The following DCBLD2 variants were observed in gnomAD, a reference collection of about 807,000 sequenced individuals.
The protein encoded by DCBLD2 is discoidin, CUB and LCCL domain-containing protein 2.
In DCBLD2, 54 loss-of-function variants were observed where a neutral mutation model predicts 86.8. The observed-to-expected ratio is 0.62, with a 90% CI of 0.50 to 0.78. DCBLD2 has a LOEUF of 0.78. Ranked by LOEUF, DCBLD2 falls within the 30% of genes least tolerant of loss-of-function variation. The pLI is 0.00. For missense variants in DCBLD2, 908 were observed against 954.2 expected, an observed-to-expected ratio of 0.95 and a Z score of 0.64; for synonymous variants, 354 against 341.3, an observed-to-expected ratio of 1.04 and a Z score of -0.41.
intron 14 of DCBLD2, 79 bp from the exon 15 acceptor site, chr3:98,800,795 G>T: frequency 1.9e-6 from 3 of 1,573,180 alleles, no homozygotes; most frequent in Non-Finnish European, 1.7e-6. Flanking sequence ...GAAAAATCCT[G>T]TTGCATTTAA....
At chr3:98,846,479 A>T (rs1942725727) in intron 3 of DCBLD2, among the ~76,000 whole-genome samples, 1 of 152,210 alleles carries the variant, frequency 6.6e-6, no homozygotes, top group South Asian at 2.1e-4. Context: ...ACCCAAGAAG[A>T]AGTAATAAGA....
Position 98,799,273 on chromosome 3 carries a change from G to T in DCBLD2, c.*99C>A. On this transcript the variant is annotated 3_prime_UTR_variant, in exon 16 of 16. Transcript: ENST00000326840. ...CCACATTTTCCCCAACCACTTCAGT[G>T]ACAGTTATGTAATACATTCTATATA... 7.8e-7 allele frequency: 1 copy of T among 1,275,590 alleles called. No homozygotes were observed. The highest frequency in any genetic ancestry group is 1.1e-6 in the Non-Finnish European group (1 of 929,478). 79.0% of individuals were successfully genotyped at this position (1,275,590 alleles called of 1,614,324 possible). A position where few individuals can be genotyped will look rare whatever the true frequency, so the allele number is the denominator to read the frequency against.
At chr3:98,885,573 T>C (rs543091817) in intron 1 of DCBLD2, among the ~76,000 whole-genome samples, 11 of 152,134 alleles carry the variant, frequency 7.2e-5, no homozygotes, top group Admixed American at 6.6e-4. Flanking sequence ...GGTCTTAACA[T>C]TGAATTTGCA....
At chr3:98,870,395 G>A (rs975392885) in intron 2 of DCBLD2, among the ~76,000 whole-genome samples, 1 of 152,030 alleles carries the variant, frequency 6.6e-6, no homozygotes, top group African/African-American at 2.4e-5. Flanking sequence ...GATTTCTTTT[G>A]TTTGCTCAGG....
At chr3:98,836,668 C>T (rs1388647530) in intron 3 of DCBLD2, among the ~76,000 whole-genome samples, 15 of 119,220 alleles carry the variant, frequency 1.3e-4, no homozygotes, top group South Asian at 5.2e-4. Flanking sequence ...CCAGTAGGGG[C>T]GGCCGGGCAG....
intron 6 of DCBLD2, chr3:98,820,824 C>T (rs1283314560): frequency 1.4e-5 from 2 of 147,548 alleles, no homozygotes; most frequent in Admixed American, 1.4e-4. Context: ...TTTCAGTGTA[C>T]ACTCCTGCCT....
intron 2 of DCBLD2, among the ~76,000 whole-genome samples, chr3:98,869,247 T>C (rs1408120528): frequency 6.6e-6 from 1 of 152,248 alleles, no homozygotes; most frequent in Admixed American, 6.5e-5. Flanking sequence ...CTTTTGTGTA[T>C]CTTCTTTTGA....
chr3:98,870,658 GA>G (rs967313796), intron 2 of DCBLD2, among the ~76,000 whole-genome samples: 1 of 45,362 alleles, frequency 2.2e-5, no homozygotes, highest in Non-Finnish European at 5.2e-5. Flanking sequence ...GATAGAGAAA[GA>G]GAGAGAGAGA....
intron 2 of DCBLD2, among the ~76,000 whole-genome samples, chr3:98,856,175 C>T (rs1003069731): frequency 6.6e-6 from 1 of 152,158 alleles, no homozygotes; most frequent in Non-Finnish European, 1.5e-5. Context: ...ACTTAAAAGG[C>T]TCACAAACAG....
At chr3:98,899,853 G>A (rs1002668685) in intron 1 of DCBLD2, among the ~76,000 whole-genome samples, 1 of 152,136 alleles carries the variant, frequency 6.6e-6, no homozygotes, top group Non-Finnish European at 1.5e-5. Flanking sequence ...CAGCCACAAA[G>A]TAAGCCCTAA....
At position 98,799,212 on chromosome 3, in the gene DCBLD2, A is replaced by C. The variant is rs1559765483; in HGVS notation, c.*160T>G. On this transcript the variant is annotated 3_prime_UTR_variant, in exon 16 of 16. Coordinates refer to ENST00000326840, the MANE Select transcript of DCBLD2 (RefSeq NM_080927.4). ...TGTGCCACCATAACACCTTAAAGCA[A>C]GATGGCAAGATTAGTAGTTTCCTGT... The C allele has an allele frequency of 1.4e-6, 1 of 734,098 alleles. No homozygotes were observed. Among genetic ancestry groups the C allele is most frequent in the Non-Finnish European group, 2.2e-6 (1 of 463,916 alleles). 45.5% of individuals were successfully genotyped at this position (734,098 alleles called of 1,614,324 possible).
Position 98,819,283 on chromosome 3 carries a change from G to GT in DCBLD2, c.1005dup (p.Pro336ThrfsTer11). 2 of 1,613,458 alleles carry GT rather than the reference G, an allele frequency of 1.2e-6. No homozygotes were observed. Among genetic ancestry groups the GT allele is most frequent in the Non-Finnish European group, 1.7e-6 (2 of 1,179,686 alleles). On this transcript the variant is annotated frameshift_variant, in exon 8 of 16. Transcript: ENST00000326840. LOFTEE classifies it high-confidence loss of function. ...GCAAAAGCAGCCCAAGGCGGTCCAGGTTTTTTCAGCCTGGCTTTTTTGGGT... is the reference window on the plus strand; with the variant it reads ...GCAAAAGCAGCCCAAGGCGGTCCAGGTTTTTTTCAGCCTGGCTTTTTTGGGT...
At chr3:98,834,301 TAA>T (rs1942385462) in intron 3 of DCBLD2, among the ~76,000 whole-genome samples, 1 of 150,936 alleles carries the variant, frequency 6.6e-6, no homozygotes, top group African/African-American at 2.4e-5. Flanking sequence ...TTCTTTATGC[TAA>T]AACATTTGCT....
chr3:98,820,449 A>G (rs998991468), intron 6 of DCBLD2, among the ~76,000 whole-genome samples, 161 bp from the exon 7 acceptor site: 3 of 152,198 alleles, frequency 2.0e-5, no homozygotes, highest in African/African-American at 4.8e-5. Context: ...CTAGGAAAAA[A>G]GTCTCATTTC....
At chr3:98,879,184 G>A (rs1943418606) in intron 2 of DCBLD2, among the ~76,000 whole-genome samples, 1 of 152,088 alleles carries the variant, frequency 6.6e-6, no homozygotes, top group South Asian at 2.1e-4. Context: ...ATTCCCATCT[G>A]CCCATTACTC....
At chr3:98,843,534 C>T (rs1489583974) in intron 3 of DCBLD2, among the ~76,000 whole-genome samples, 1 of 152,060 alleles carries the variant, frequency 6.6e-6, no homozygotes, top group Non-Finnish European at 1.5e-5. Context: ...TTGGACTCTG[C>T]TAGAAAGGAA....
chr3:98,811,137 T>G lies in DCBLD2; in HGVS notation c.1576+57A>C. On this transcript the variant is annotated intron_variant, in intron 12 of 15. Coordinates refer to ENST00000326840, the MANE Select transcript of DCBLD2 (RefSeq NM_080927.4). ...AAGGTTTAAAAATGCCCGTGAAAAC[T>G]TCAGTTAAGAACAAAACAATACTAT... The G allele has an allele frequency of 2.7e-6, 4 of 1,461,148 alleles. No homozygotes were observed. The Admixed American group carries it at 1.0e-4, about 37-fold the overall frequency. 90.5% of individuals were successfully genotyped at this position (1,461,148 alleles called of 1,614,324 possible).
At chr3:98,899,082 TAA>T (rs5851142) in intron 1 of DCBLD2, among the ~76,000 whole-genome samples, 5,321 of 147,336 alleles carry the variant, frequency 0.036, 122 homozygotes, top group Middle Eastern at 0.069. Flanking sequence ...TTAGAAGAAC[TAA>T]AAAAAAAAAA....
chr3:98,817,871 G>A lies in DCBLD2; in HGVS notation c.1110C>T (p.Thr370=), dbSNP rs762435278. ...ACACATAGTAATTGTGCTCCACCAT[G>A]GTGGATCCAGTGGTTATAATGCCTG... ...KITGIITTGS[T]MVEHNYYVSA... is the part of the protein sequence containing the mutation. The change falls in exon 9 of 16, where the codon ACC becomes ACT. Residue 370 remains threonine, a synonymous_variant. Coordinates refer to ENST00000326840, the MANE Select transcript of DCBLD2 (RefSeq NM_080927.4). 6.2e-7 allele frequency: 1 copy of A among 1,613,460 alleles called. No individual in the cohort carries two copies. Among genetic ancestry groups the A allele is most frequent in the South Asian group, 1.1e-5 (1 of 91,036 alleles).
Sources: gnomAD v4.1 joint callset for allele counts (sites outside exome capture counted in the v4.1 genomes callset) on GRCh38, gnomAD v4.1.1 for gene constraint, MANE v1.5 for transcripts, NCBI Gene and HGNC (gene_info 2026-07-23, HGNC 2026-07-21) for gene names.